USP10: variants seen among roughly 807,000 people sequenced by gnomAD.
USP10 encodes the protein ubiquitin carboxyl-terminal hydrolase 10.
In USP10, 22 loss-of-function variants were observed where a neutral mutation model predicts 84.5. That is an observed-to-expected ratio of 0.26 (90% CI 0.19 to 0.37). The LOEUF (loss-of-function observed/expected upper bound fraction) is 0.37, where lower values mean the gene tolerates loss of function less well. Ranked by LOEUF, USP10 falls within the 10% of genes least tolerant of loss-of-function variation. The pLI, the probability that USP10 is intolerant of heterozygous loss-of-function variation, is 1.00. For synonymous variants in USP10, 454 were observed against 387.6 expected (o/e 1.17, Z -2.01); for missense variants, 1,019 against 998.9 (o/e 1.02, Z -0.27).
intron 11 of USP10, among the ~76,000 whole-genome samples, chr16:84,771,793 G>A (rs533118326): frequency 1.9e-4 from 29 of 152,074 alleles, no homozygotes; most frequent in Non-Finnish European, 3.4e-4. Flanking sequence ...GTTTGAACCC[G>A]GGAGACGGAT....
At chr16:84,765,988 A>T (rs576378247) in intron 10 of USP10, among the ~76,000 whole-genome samples, 5 of 152,186 alleles carry the variant, frequency 3.3e-5, no homozygotes. Flanking sequence ...ATTGGAGCCT[A>T]ATTTCCTTTC....
In USP10 at chr16:84,760,177, G is replaced by A. The variant is rs748129616; in HGVS notation, c.1456G>A (p.Gly486Arg). 3 of 1,605,294 alleles carry A rather than the reference G, an allele frequency of 1.9e-6. No individual in the cohort carries two copies. In the African/African-American group the frequency reaches 4.0e-5, roughly 21 times the overall value. Residue 486 changes from glycine (G) to arginine (R), a missense_variant, in exon 8 of 14, where the codon GGA (glycine) becomes AGA (arginine). Around this residue, in one of 2 missense-constraint regions of USP10, gnomAD observed 787 missense variants for 708.8 expected, o/e 1.11. Transcript: ENST00000219473. ...PVPPKPRQAL[G>R]DKIVRDIRPG... is the part of the protein sequence containing the mutation. ...GTGTCCTCTTTCCATTGCAGCTCTTGGAGATAAAATCGTGAGGGATATTCG... is the reference window on the plus strand; with the variant it reads ...GTGTCCTCTTTCCATTGCAGCTCTTAGAGATAAAATCGTGAGGGATATTCG...
At chr16:84,732,441 C>G (rs1308055397) in intron 1 of USP10, 1 of 397,196 alleles carries the variant, frequency 2.5e-6, no homozygotes, top group Non-Finnish European at 4.9e-6. Context: ...ACTTCTTCTT[C>G]TTCTTTTTTT....
chr16:84,761,099 C>A (rs549674805), intron 8 of USP10, among the ~76,000 whole-genome samples: 1 of 152,160 alleles, frequency 6.6e-6, no homozygotes, highest in Admixed American at 6.5e-5. Flanking sequence ...TTTGCACTTC[C>A]CAAGTAATGG....
At chr16:84,707,868 C>G (rs1385982326) in intron 1 of USP10, among the ~76,000 whole-genome samples, 2 of 151,864 alleles carry the variant, frequency 1.3e-5, no homozygotes, top group Non-Finnish European at 2.9e-5. Flanking sequence ...CACTCAAGCT[C>G]AGGAGTTTGG....
At chr16:84,730,976 C>CTTT (rs11401851) in intron 1 of USP10, among the ~76,000 whole-genome samples, 35 of 105,058 alleles carry the variant, frequency 3.3e-4, no homozygotes, top group African/African-American at 8.5e-4. Flanking sequence ...GCATTTCTAC[C>CTTT]TTTTTTTTTT....
At chr16:84,725,742 T>G (rs1377862534) in intron 1 of USP10, among the ~76,000 whole-genome samples, 1 of 152,166 alleles carries the variant, frequency 6.6e-6, no homozygotes, top group Non-Finnish European at 1.5e-5. Flanking sequence ...TCTTAATCCT[T>G]TTTAGATCCA....
intron 2 of USP10, among the ~76,000 whole-genome samples, chr16:84,736,371 C>T (rs139384830): frequency 3.4e-4 from 52 of 152,322 alleles, no homozygotes; most frequent in African/African-American, 1.2e-3. Flanking sequence ...CTCCTGCCAG[C>T]GGAGGGCTGC....
rs141289206 is a variant in USP10 at position 84,766,817 on chromosome 16, A to G, written c.1833-1376A>G. ...AAAAACGGTAAAGCAAAGATAGGGA[A>G]TTCTTACAACGTAGGAACTTCTTTT... On this transcript the variant is annotated intron_variant, in intron 10 of 13. Transcript: ENST00000219473. 9.7e-3 allele frequency among the ~76,000 whole-genome samples: 1,471 copies of G among 152,280 alleles called. 9 individuals are homozygous for G. Among genetic ancestry groups the G allele is most frequent in the Non-Finnish European group, 0.016 (1,085 of 68,024 alleles).
chr16:84,726,620 G>A (rs915743602), intron 1 of USP10, among the ~76,000 whole-genome samples: 2 of 152,164 alleles, frequency 1.3e-5, no homozygotes, highest in African/African-American at 2.4e-5. Flanking sequence ...AGTGTTTCTT[G>A]TATATTTTTT....
intron 4 of USP10, among the ~76,000 whole-genome samples, chr16:84,754,459 A>C (rs1912287925): frequency 6.6e-6 from 1 of 152,124 alleles, no homozygotes; most frequent in African/African-American, 2.4e-5. Context: ...GGTGGAGTAC[A>C]TTTCCTAGTA....
chr16:84,729,904 G>C (rs57664580), intron 1 of USP10, among the ~76,000 whole-genome samples: 4,595 of 152,096 alleles, frequency 0.03, 215 homozygotes, highest in African/African-American at 0.1. Flanking sequence ...GTATTTTTTT[G>C]CGTGACATGT....
chr16:84,722,725 A>G lies in USP10; in HGVS notation c.22-10710A>G, dbSNP rs192428263. On this transcript the variant is annotated intron_variant, in intron 1 of 13. Coordinates refer to ENST00000219473, the MANE Select transcript of USP10 (RefSeq NM_005153.3). ...CAGGCAGACTCCCCCACGCCCAGCT[A>G]ATTTTTGTATTTTTAGTAGAGATGG... Among the ~76,000 whole-genome samples the G allele has an allele frequency of 2.6e-4, 40 of 152,024 alleles. No homozygotes were observed. The East Asian group carries it at 6.4e-3, about 24-fold the overall frequency.
At chr16:84,727,339 CAT>C (rs1200433422) in intron 1 of USP10, among the ~76,000 whole-genome samples, 2 of 152,250 alleles carry the variant, frequency 1.3e-5, no homozygotes, top group South Asian at 2.1e-4. Context: ...TTTCCCCCCT[CAT>C]GTGACAGCCT....
At chr16:84,775,120 T>C (rs1567655676) in intron 12 of USP10, 40 bp from the exon 13 acceptor site, 2 of 1,593,148 alleles carry the variant, frequency 1.3e-6, no homozygotes, top group Non-Finnish European at 1.7e-6. Flanking sequence ...CCCTGAACCT[T>C]TCTAAAAGTG....
At chr16:84,742,862 A>G (rs563532631) in intron 3 of USP10, among the ~76,000 whole-genome samples, 1 of 152,260 alleles carries the variant, frequency 6.6e-6, no homozygotes, top group South Asian at 2.1e-4. Context: ...TTCACGTTAC[A>G]TCACATTCTA....
chr16:84,757,097 T>G (rs1274045905), intron 4 of USP10, among the ~76,000 whole-genome samples: 7 of 152,162 alleles, frequency 4.6e-5, no homozygotes, highest in African/African-American at 1.7e-4. Context: ...ATGAATAATA[T>G]ACACAAAGCT....
chr16:84,716,525 G>A (rs1247840074), intron 1 of USP10: 1 of 152,218 alleles, frequency 6.6e-6, no homozygotes, highest in Non-Finnish European at 1.5e-5. Flanking sequence ...ATAGGTAAAT[G>A]AGAATTACTA....
intron 2 of USP10, 104 bp downstream of exon 2, chr16:84,733,607 A>T: frequency 1.2e-6 from 1 of 814,500 alleles, no homozygotes; most frequent in Non-Finnish European, 1.9e-6. Flanking sequence ...ATGTAGAGAA[A>T]AGTATGGAGA....
Sources: allele counts gnomAD v4.1 joint callset (sites outside exome capture counted in the v4.1 genomes callset), GRCh38; gene constraint gnomAD v4.1.1; regional missense constraint gnomAD v4.1.1; transcripts MANE v1.5; gene names NCBI Gene and HGNC (gene_info 2026-07-23, HGNC 2026-07-21).